Variants in PRELID3A observed in about 807,000 individuals in gnomAD.
PRELID3A encodes the protein PRELI domain containing protein 3A.
Under a neutral mutation model 23.0 loss-of-function variants are expected in PRELID3A, and 27 were observed. The observed-to-expected ratio is 1.17, with a 90% confidence interval of 0.87 to 1.62. PRELID3A has a LOEUF of 1.62. PRELID3A is among the 40% of genes most tolerant of loss of function. The pLI is 0.00. For missense variants in PRELID3A, 231 were observed against 231.4 expected, an observed-to-expected ratio of 1.00 and a Z score of 0.01; for synonymous variants, 87 against 86.4, an observed-to-expected ratio of 1.01 and a Z score of -0.04.
At position 12,408,000 on chromosome 18, in the gene PRELID3A, G is replaced by C; in HGVS notation, c.25G>C (p.Val9Leu). The part of the protein sequence containing the change: MKIWSSEH[V>L]FGHPWDTVIQ... ...AATGAAGATCTGGAGCTCGGAGCAC[G>C]TGTTTGGGTGAGGCCGGGCTGAGGG... Residue 9 changes from valine to leucine, a missense_variant, in exon 1 of 7, where the codon GTG (valine) becomes CTG (leucine). Physicochemically the swap from Val to Leu is conservative, Grantham distance 32. Transcript: ENST00000440960. 1 of 1,289,782 alleles carries C rather than the reference G, an allele frequency of 7.8e-7. No individual in the cohort carries two copies. The highest frequency in any genetic ancestry group is 9.8e-7 in the Non-Finnish European group (1 of 1,019,600). The allele number at this position is 1,289,782 out of a possible 1,614,324, so 79.9% of individuals were successfully genotyped here.
intron 1 of PRELID3A, among the ~76,000 whole-genome samples, chr18:12,412,428 T>G (rs1909950535): frequency 6.6e-6 from 1 of 152,236 alleles, no homozygotes; most frequent in East Asian, 1.9e-4. Flanking sequence ...CCTCAAGTTA[T>G]CAGCCCACCT....
intron 2 of PRELID3A, among the ~76,000 whole-genome samples, chr18:12,420,988 A>C (rs2030162308): frequency 6.6e-6 from 1 of 152,148 alleles, no homozygotes; most frequent in Non-Finnish European, 1.5e-5. Flanking sequence ...ATCCTAGGGC[A>C]CCGGGATTAG....
At chr18:12,429,558 T>A (rs2030498540) in intron 6 of PRELID3A, 122 bp downstream of exon 6, 3 of 595,290 alleles carry the variant, frequency 5.0e-6, no homozygotes, top group Non-Finnish European at 8.9e-6. Flanking sequence ...AGCCCGGAGC[T>A]CCTTAGTTTT....
At chr18:12,418,073 A>G (rs1598858510) in intron 1 of PRELID3A, among the ~76,000 whole-genome samples, 3 of 152,228 alleles carry the variant, frequency 2.0e-5, no homozygotes, top group Non-Finnish European at 4.4e-5. Flanking sequence ...TGATGAGGGT[A>G]AAGTAAATTA....
At chr18:12,427,344 A>G in intron 5 of PRELID3A, 21 bp downstream of exon 5, 7 of 1,522,184 alleles carry the variant, frequency 4.6e-6, no homozygotes, top group South Asian at 1.1e-5. Context: ...CAATCCTAGG[A>G]GTCCTGTGTG....
chr18:12,430,525 GGTGT>G (rs1277720021), intron 6 of PRELID3A, among the ~76,000 whole-genome samples: 1 of 148,394 alleles, frequency 6.7e-6, no homozygotes, highest in Non-Finnish European at 1.5e-5. Context: ...GCGTGTGTGG[GGTGT>G]GTGTGATGTG....
chr18:12,408,030 G>A (rs780553463), intron 1 of PRELID3A, 23 bp downstream of exon 1: 4 of 1,257,424 alleles, frequency 3.2e-6, no homozygotes, highest in African/African-American at 1.6e-5. Context: ...TGAGGGCCGC[G>A]GTGGGGCCGT....
At chr18:12,416,952 A>G (rs1366649908) in intron 1 of PRELID3A, among the ~76,000 whole-genome samples, 2 of 151,882 alleles carry the variant, frequency 1.3e-5, no homozygotes, top group Non-Finnish European at 2.9e-5. Context: ...GCCAGACAAG[A>G]CTATTTTCTT....
At chr18:12,414,388 T>C (rs1200673548) in intron 1 of PRELID3A, among the ~76,000 whole-genome samples, 1 of 152,220 alleles carries the variant, frequency 6.6e-6, no homozygotes, top group African/African-American at 2.4e-5. Context: ...CTCTGTCCTT[T>C]TATTGCTTTT....
rs1032285366 is a variant in PRELID3A at position 12,431,876 on chromosome 18, C to G, written c.*760C>G. The G allele has an allele frequency of 3.3e-5, 5 of 152,272 alleles. No homozygotes were observed. Among genetic ancestry groups the G allele is most frequent in the Admixed American group, 3.3e-4 (5 of 15,282 alleles). The allele number at this position is 152,272 out of a possible 1,614,324, so 9.4% of individuals were successfully genotyped here. On this transcript the variant is annotated 3_prime_UTR_variant, in exon 7 of 7. Transcript: ENST00000440960. ...AGGCCCTGCCTCGCTGCTTGCCAGC[C>G]TCACCTGCTGGGGCTGGAGGCCATG...
rs532034831 is a variant in PRELID3A at position 12,432,059 on chromosome 18, C to G, written c.*943C>G. The G allele has an allele frequency of 6.6e-6, 1 of 152,176 alleles. No individual in the cohort carries two copies. The highest frequency in any genetic ancestry group is 2.4e-5 in the African/African-American group (1 of 41,446). The allele number at this position is 152,176 out of a possible 1,614,324, so 9.4% of individuals were successfully genotyped here. On this transcript the variant is annotated 3_prime_UTR_variant, in exon 7 of 7. Coordinates refer to ENST00000440960, the MANE Select transcript of PRELID3A (RefSeq NM_001142405.2). ...AAAAAATACATAAAAGCAACCCATGCTTATGGTTAAAAAAGAGTACAGGAG... is the reference window on the plus strand; with the variant it reads ...AAAAAATACATAAAAGCAACCCATGGTTATGGTTAAAAAAGAGTACAGGAG...
chr18:12,430,030 C>T lies in PRELID3A; in HGVS notation c.*33+594C>T, dbSNP rs533622327. Among the ~76,000 whole-genome samples the T allele has an allele frequency of 3.9e-4, 60 of 152,386 alleles. 1 individual carries two copies. The highest frequency in any genetic ancestry group is 1.4e-3 in the African/African-American group (58 of 41,594). ...ACCAGGGCCTGATCCCCGGGGAGGA[C>T]GCGCCTCCCACCAGAGGCTGTGCTG... is the stretch of plus-strand genomic sequence containing the variant. On this transcript the variant is annotated intron_variant, in intron 6 of 6. Transcript: ENST00000440960.
In PRELID3A at chr18:12,427,920, T is replaced by C. The variant is rs1027539492; in HGVS notation, c.465+597T>C. 3.9e-5 allele frequency among the ~76,000 whole-genome samples: 6 copies of C among 152,238 alleles called. 1 individual carries two copies. The South Asian group carries it at 1.2e-3, about 32-fold the overall frequency. ...GGAGCATAAACCCAGCCAAGGCAAC[T>C]ACCACTTCAAAGAGCCCAAATGTCA... On this transcript the variant is annotated intron_variant, in intron 5 of 6. Transcript: ENST00000440960.
intron 2 of PRELID3A, 33 bp downstream of exon 2, chr18:12,420,526 GC>G: frequency 1.4e-6 from 2 of 1,480,688 alleles, no homozygotes; most frequent in East Asian, 2.6e-5. Flanking sequence ...CTCCGAACGC[GC>G]CCGACTCCCC....
chr18:12,416,135 T>C (rs2029943784), intron 1 of PRELID3A, among the ~76,000 whole-genome samples: 1 of 152,232 alleles, frequency 6.6e-6, no homozygotes, highest in African/African-American at 2.4e-5. Context: ...CATTTTCAGC[T>C]TCTCTGGGTA....
chr18:12,423,377 T>C (rs1257571245), intron 3 of PRELID3A, among the ~76,000 whole-genome samples: 1 of 151,866 alleles, frequency 6.6e-6, no homozygotes, highest in Non-Finnish European at 1.5e-5. Flanking sequence ...GCCGGGGGGA[T>C]GTTGGGACCT....
chr18:12,412,589 A>G (rs1481685137), intron 1 of PRELID3A, among the ~76,000 whole-genome samples: 1 of 152,188 alleles, frequency 6.6e-6, no homozygotes, highest in Non-Finnish European at 1.5e-5. Flanking sequence ...ATGTGCCACC[A>G]TTTATTCTTT....
At chr18:12,414,176 T>G (rs895650853) in intron 1 of PRELID3A, among the ~76,000 whole-genome samples, 1 of 150,618 alleles carries the variant, frequency 6.6e-6, no homozygotes, top group African/African-American at 2.4e-5. Flanking sequence ...GCAGAGGGGC[T>G]TCTGGTGCAC....
chr18:12,410,648 T>G (rs1346208980), intron 1 of PRELID3A: 1 of 152,200 alleles, frequency 6.6e-6, no homozygotes, highest in African/African-American at 2.4e-5. Flanking sequence ...TTAAAAAAAG[T>G]TTGTTGTACT....
Sources: gnomAD v4.1 joint callset for allele counts (sites outside exome capture counted in the v4.1 genomes callset) on GRCh38, gnomAD v4.1.1 for gene constraint, MANE v1.5 for transcripts, NCBI Gene and HGNC (gene_info 2026-07-23, HGNC 2026-07-21) for gene names.